TYW1B: variants seen among roughly 807,000 people sequenced by gnomAD.
TYW1B encodes S-adenosyl-L-methionine-dependent tRNA 4-demethylwyosine synthase TYW1B.
TYW1B carries 73 observed loss-of-function variants against 86.9 expected under a neutral mutation model. The ratio of observed to expected loss-of-function variants is 0.84; its 90% CI spans 0.70 to 1.02. The LOEUF is 1.02. Ranked by LOEUF, TYW1B falls within the 50% of genes least tolerant of loss-of-function variation. TYW1B has a pLI of 0.00. For synonymous variants in TYW1B, 248 were observed against 292.8 expected (o/e 0.85, Z 1.56); for missense variants, 637 against 827.4 (o/e 0.77, Z 2.82).
chr7:72,760,528 C>T (rs917200674), intron 7 of TYW1B, among the ~76,000 whole-genome samples: 5 of 152,062 alleles, frequency 3.3e-5, no homozygotes, highest in East Asian at 1.9e-4. Flanking sequence ...TGTGTTTATA[C>T]GTATGCACAT....
chr7:72,658,177 C>T (rs558108586), intron 11 of TYW1B, among the ~76,000 whole-genome samples: 2 of 151,730 alleles, frequency 1.3e-5, no homozygotes, highest in South Asian at 2.1e-4. Flanking sequence ...TGTGAACCCA[C>T]GAGGTGGAAC....
chr7:72,632,368 CATATATATTATATATATACGTATAT>C (rs1812532453), intron 11 of TYW1B, among the ~76,000 whole-genome samples: 1 of 84,854 alleles, frequency 1.2e-5, no homozygotes, highest in Admixed American at 1.6e-4. Flanking sequence ...TATATATACG[CATATATATTATATATATACGTATAT>C]ATATATAATA....
At chr7:72,796,823 G>A (rs1277842850) in intron 6 of TYW1B, among the ~76,000 whole-genome samples, 5 of 151,252 alleles carry the variant, frequency 3.3e-5, no homozygotes, top group South Asian at 2.1e-4. Context: ...CTGGGTCTGC[G>A]GCACAATAAA....
chr7:72,815,753 A>C (rs544435807), intron 2 of TYW1B, among the ~76,000 whole-genome samples: 1 of 152,140 alleles, frequency 6.6e-6, no homozygotes, highest in Non-Finnish European at 1.5e-5. Flanking sequence ...TAGAATAAAC[A>C]TATCAGCCAG....
chr7:72,622,614 G>GACACACACAAACACAAAC (rs1336503731), intron 12 of TYW1B, among the ~76,000 whole-genome samples: 2 of 151,694 alleles, frequency 1.3e-5, no homozygotes, highest in African/African-American at 4.8e-5. Flanking sequence ...CGCACACACG[G>GACACACACAAACACAAAC]ACACACACAA....
chr7:72,665,827 G>A (rs1293036327), intron 11 of TYW1B, among the ~76,000 whole-genome samples: 1 of 152,164 alleles, frequency 6.6e-6, no homozygotes, highest in Non-Finnish European at 1.5e-5. Flanking sequence ...ATAAATATTT[G>A]TTGAGTGAAT....
chr7:72,641,293 G>T (rs1376758112), intron 11 of TYW1B, among the ~76,000 whole-genome samples: 6 of 152,064 alleles, frequency 3.9e-5, no homozygotes, highest in African/African-American at 4.8e-5. Flanking sequence ...CTTAAGAGCA[G>T]ATGGCTTCAT....
intron 11 of TYW1B, among the ~76,000 whole-genome samples, chr7:72,648,172 C>T (rs1812976177): frequency 1.3e-5 from 2 of 152,168 alleles, no homozygotes; most frequent in South Asian, 4.2e-4. Context: ...AGTATTGATA[C>T]TTAAGATGAG....
At chr7:72,736,648 T>C (rs1459666168) in intron 8 of TYW1B, among the ~76,000 whole-genome samples, 1 of 152,180 alleles carries the variant, frequency 6.6e-6, no homozygotes. Flanking sequence ...CCTCCGGCCC[T>C]AGGCAACCAC....
At chr7:72,658,358 A>C (rs1554443992) in intron 11 of TYW1B, among the ~76,000 whole-genome samples, 1 of 152,230 alleles carries the variant, frequency 6.6e-6, no homozygotes, top group Non-Finnish European at 1.5e-5. Flanking sequence ...AAGAGGTAAA[A>C]CACATTAAAA....
chr7:72,818,300 G>T (rs782510995), intron 2 of TYW1B, among the ~76,000 whole-genome samples: 1 of 151,744 alleles, frequency 6.6e-6, no homozygotes, highest in African/African-American at 2.4e-5. Flanking sequence ...AAAAATACCC[G>T]GCCGGGCATG....
chr7:72,765,482 T>C (rs1443481431), intron 7 of TYW1B, among the ~76,000 whole-genome samples: 7 of 152,184 alleles, frequency 4.6e-5, no homozygotes, highest in African/African-American at 9.7e-5. Context: ...ATAATTTTTT[T>C]TGAGATGGAG....
intron 11 of TYW1B, among the ~76,000 whole-genome samples, chr7:72,685,112 GA>G (rs782187369): frequency 0.012 from 1,140 of 98,672 alleles, 9 homozygotes; most frequent in African/African-American, 0.033. Context: ...ACTCAATCTC[GA>G]AAAAAAAAAA....
chr7:72,791,377 T>C (rs1240601297), intron 6 of TYW1B, among the ~76,000 whole-genome samples: 1 of 145,170 alleles, frequency 6.9e-6, no homozygotes, highest in African/African-American at 2.6e-5. Context: ...GAGTTGTCAA[T>C]GCAGCGCGAC....
At chr7:72,698,050 A>T (rs1389004195) in intron 10 of TYW1B, 2 of 153,602 alleles carry the variant, frequency 1.3e-5, no homozygotes, top group Non-Finnish European at 2.9e-5. Flanking sequence ...TCCTTGGGAT[A>T]AAAAAAAATA....
At position 72,632,285 on chromosome 7, in the gene TYW1B, G is replaced by A. The variant is rs868946154; in HGVS notation, c.1507-3288C>T. On this transcript the variant is annotated intron_variant, in intron 11 of 13. Coordinates refer to ENST00000620995, the MANE Select transcript of TYW1B (RefSeq NM_001145440.3). ...AAAAAATATATATATATATATACGT[G>A]TATATATATATATACGTGTATATAT... is the stretch of plus-strand genomic sequence containing the variant. 1.1e-3 allele frequency among the ~76,000 whole-genome samples: 89 copies of A among 83,532 alleles called. 2 individuals carry two copies. Among genetic ancestry groups the A allele is most frequent in the African/African-American group, 3.3e-3 (45 of 13,830 alleles). The allele number at this position is 83,532 out of a possible 152,430, so 54.8% of individuals were successfully genotyped here. A position where few individuals can be genotyped will look rare whatever the true frequency, so the allele number is the denominator to read the frequency against.
At chr7:72,786,503 G>C (rs1788131448) in intron 6 of TYW1B, among the ~76,000 whole-genome samples, 1 of 149,734 alleles carries the variant, frequency 6.7e-6, no homozygotes, top group Non-Finnish European at 1.5e-5. Context: ...AAAAAGCAAA[G>C]AAAAATACAT....
intron 13 of TYW1B, among the ~76,000 whole-genome samples, chr7:72,587,169 G>C (rs370748709): frequency 6.6e-6 from 1 of 152,274 alleles, no homozygotes; most frequent in African/African-American, 2.4e-5. Flanking sequence ...TGTTAACTGC[G>C]TGGGAGTAGA....
chr7:72,728,553 C>T (rs1234170460), intron 9 of TYW1B, among the ~76,000 whole-genome samples: 5 of 152,126 alleles, frequency 3.3e-5, no homozygotes, highest in African/African-American at 1.2e-4. Context: ...GTGATCCGCC[C>T]GCCTCGGCCT....
Sources: gnomAD v4.1 joint callset for allele counts (sites outside exome capture counted in the v4.1 genomes callset) on GRCh38, gnomAD v4.1.1 for gene constraint, MANE v1.5 for transcripts, NCBI Gene and HGNC (gene_info 2026-07-23, HGNC 2026-07-21) for gene names.